CCDC192: variants seen among roughly 807,000 people sequenced by gnomAD.
CCDC192 encodes coiled-coil domain-containing protein 192.
chr5:127,805,633 A>G (rs879378318), intron 5 of CCDC192, among the ~76,000 whole-genome samples: 1 of 152,228 alleles, frequency 6.6e-6, no homozygotes, highest in Non-Finnish European at 1.5e-5. Context: ...TTAGTGCCAC[A>G]TGTACATTAA....
chr5:127,743,578 G>A (rs1001153768), intron 2 of CCDC192, among the ~76,000 whole-genome samples: 1 of 152,046 alleles, frequency 6.6e-6, no homozygotes, highest in Non-Finnish European at 1.5e-5. Flanking sequence ...GCTCATCCAG[G>A]CCACCATCCT....
At chr5:127,929,224 A>G (rs1386894351) in intron 6 of CCDC192, among the ~76,000 whole-genome samples, 3 of 152,216 alleles carry the variant, frequency 2.0e-5, no homozygotes, top group Non-Finnish European at 4.4e-5. Flanking sequence ...GTTCTGTGTG[A>G]ACCTGCCGCT....
At chr5:127,869,282 C>G (rs1052195469) in intron 5 of CCDC192, among the ~76,000 whole-genome samples, 1 of 152,132 alleles carries the variant, frequency 6.6e-6, no homozygotes, top group African/African-American at 2.4e-5. Context: ...TGAGATTACA[C>G]CACTGCGTTC....
chr5:127,806,935 C>G (rs1757819915), intron 5 of CCDC192, among the ~76,000 whole-genome samples: 1 of 152,160 alleles, frequency 6.6e-6, no homozygotes, highest in Non-Finnish European at 1.5e-5. Context: ...GTCCTGCGGC[C>G]TAATCCCTGC....
chr5:127,909,835 T>A (rs1753297490), intron 6 of CCDC192, among the ~76,000 whole-genome samples: 1 of 152,158 alleles, frequency 6.6e-6, no homozygotes, highest in South Asian at 2.1e-4. Flanking sequence ...ACAGAATGGT[T>A]TATATATATA....
chr5:127,785,395 C>G, intron 3 of CCDC192: 1 of 412,402 alleles, frequency 2.4e-6, no homozygotes, highest in Admixed American at 2.9e-5. Context: ...TCATTCAGAT[C>G]TTTGCTCACA....
intron 3 of CCDC192, among the ~76,000 whole-genome samples, chr5:127,766,699 T>C (rs2126900279): frequency 6.6e-6 from 1 of 152,068 alleles, no homozygotes; most frequent in East Asian, 1.9e-4. Context: ...TTGTTTCCCT[T>C]AGTAACACAA....
intron 6 of CCDC192, among the ~76,000 whole-genome samples, chr5:127,881,442 G>A (rs1011460213): frequency 3.9e-5 from 6 of 152,064 alleles, no homozygotes; most frequent in African/African-American, 1.2e-4. Flanking sequence ...TCCTTGCTTG[G>A]TTCATTTTCT....
At chr5:127,740,341 G>C (rs1396975250) in intron 2 of CCDC192, 1 of 152,188 alleles carries the variant, frequency 6.6e-6, no homozygotes, top group Non-Finnish European at 1.5e-5. Flanking sequence ...CTTTCCATCT[G>C]TCTTCTGTGC....
intron 3 of CCDC192, among the ~76,000 whole-genome samples, chr5:127,759,403 A>G (rs1286162554): frequency 6.6e-6 from 1 of 152,184 alleles, no homozygotes. Flanking sequence ...TGTCCTTATA[A>G]AAGAGACTCA....
intron 3 of CCDC192, among the ~76,000 whole-genome samples, chr5:127,771,248 G>A (rs1340889161): frequency 1.3e-5 from 2 of 152,202 alleles, no homozygotes; most frequent in African/African-American, 4.8e-5. Flanking sequence ...ACTAAGAATT[G>A]GAGGTAGGAA....
At chr5:127,771,271 T>C (rs1755537928) in intron 3 of CCDC192, among the ~76,000 whole-genome samples, 1 of 152,222 alleles carries the variant, frequency 6.6e-6, no homozygotes, top group African/African-American at 2.4e-5. Flanking sequence ...GACAGAATAC[T>C]ATGACCTTGT....
intron 6 of CCDC192, among the ~76,000 whole-genome samples, chr5:127,909,644 G>A (rs1399555139): frequency 6.6e-6 from 1 of 151,804 alleles, no homozygotes; most frequent in South Asian, 2.1e-4. Flanking sequence ...AAAAAAACTA[G>A]AAGCAACTTT....
chr5:127,827,572 G>T (rs997988223), intron 5 of CCDC192, among the ~76,000 whole-genome samples: 2 of 152,172 alleles, frequency 1.3e-5, no homozygotes, highest in African/African-American at 4.8e-5. Context: ...GAACCAATCT[G>T]TTCTTAAATA....
chr5:127,933,334 A>C (rs1178378046), intron 6 of CCDC192, among the ~76,000 whole-genome samples: 1 of 152,194 alleles, frequency 6.6e-6, no homozygotes, highest in Admixed American at 6.5e-5. Context: ...CTAAAGTAGC[A>C]GAAGCAGGGT....
chr5:127,851,903 G>T (rs528403977), intron 5 of CCDC192, among the ~76,000 whole-genome samples: 1 of 152,276 alleles, frequency 6.6e-6, no homozygotes, highest in Non-Finnish European at 1.5e-5. Flanking sequence ...TTTACCAACT[G>T]GTTTGCCAGA....
chr5:127,708,795 G>T (rs1199875917), intron 2 of CCDC192, among the ~76,000 whole-genome samples: 1 of 152,160 alleles, frequency 6.6e-6, no homozygotes. Context: ...TAGCATTCCA[G>T]TGGGCTTCCG....
intron 6 of CCDC192, among the ~76,000 whole-genome samples, chr5:127,939,310 G>A (rs1239926195): frequency 6.6e-6 from 1 of 151,628 alleles, no homozygotes; most frequent in Non-Finnish European, 1.5e-5. Flanking sequence ...TAGAGATGAG[G>A]TTTCACCATT....
chr5:127,817,132 A>G (rs2127011897), intron 5 of CCDC192, among the ~76,000 whole-genome samples: 2 of 152,294 alleles, frequency 1.3e-5, no homozygotes, highest in South Asian at 4.1e-4. Context: ...GCAATGTCAC[A>G]CCTGTTGGCA....
Sources: allele counts gnomAD v4.1 joint callset (sites outside exome capture counted in the v4.1 genomes callset), GRCh38; gene constraint gnomAD v4.1.1; transcripts MANE v1.5; gene names NCBI Gene and HGNC (gene_info 2026-07-23, HGNC 2026-07-21).